PRXL2B: variants seen among roughly 807,000 people sequenced by gnomAD.
PRXL2B encodes the protein peroxiredoxin like 2B, also known as prostamide/prostaglandin F synthase.
Under a neutral mutation model 24.4 loss-of-function variants are expected in PRXL2B, and 26 were observed. The ratio of observed to expected loss-of-function variants is 1.07; its 90% confidence interval spans 0.78 to 1.48. The LOEUF is 1.48. Ranked by LOEUF, PRXL2B falls within the 40% of genes most tolerant of loss-of-function variation. The pLI is 0.00. For missense variants in PRXL2B, 269 were observed against 264.8 expected (o/e 1.02, Z -0.11); for synonymous variants, 115 against 118.9 (o/e 0.97, Z 0.21).
chr1:2,586,920 G>A lies in PRXL2B; in HGVS notation c.35G>A (p.Cys12Tyr), dbSNP rs866041846. The A allele has an allele frequency of 7.6e-7, 1 of 1,311,854 alleles. No individual in the cohort carries two copies. Among genetic ancestry groups the A allele is most frequent in the Non-Finnish European group, 9.7e-7 (1 of 1,032,534 alleles). 81.3% of individuals were successfully genotyped at this position (1,311,854 alleles called of 1,614,324 possible). A position where few individuals can be genotyped will look rare whatever the true frequency, so the allele number is the denominator to read the frequency against. Residue 12 changes from cysteine (C) to tyrosine (Y), a missense_variant, in exon 1 of 7, where the codon TGC becomes TAC. Transcript: ENST00000419916. ...GTGGACCTTGCTCGCGTGGGCGCGT[G>A]CATCCTGAAGCATGCGGTGACCGGG... is the stretch of plus-strand genomic sequence containing the variant. ...STVDLARVGA[C>Y]ILKHAVTGEA...
chr1:2,587,179 C>T lies in PRXL2B; in HGVS notation c.152C>T (p.Ala51Val), dbSNP rs377736173. The change falls in exon 2 of 7, where the codon GCC becomes GTC. Residue 51 changes from alanine (A) to valine (V), a missense_variant. Coordinates refer to ENST00000419916, the MANE Select transcript of PRXL2B (RefSeq NM_152371.5). The surrounding 1 kb of genome is among the most constrained non-coding windows in gnomAD (Gnocchi z 6.1). ...RFGCVVCRWIAQDLSSLAGLL... is the reference protein window; with the variant it reads ...RFGCVVCRWIVQDLSSLAGLL... The stretch of plus-strand genomic sequence containing the variant: ...GGGTGCGTGGTGTGCCGCTGGATCG[C>T]CCAGGACCTCAGCAGCCTTGCTGGG... The T allele has an allele frequency of 7.1e-6, 11 of 1,560,062 alleles. No homozygotes were observed. The African/African-American group carries it at 1.4e-4, about 19-fold the overall frequency.
At position 2,590,686 on chromosome 1, in the gene PRXL2B, G is replaced by C. The variant is rs1366652479; in HGVS notation, c.*1259G>C. On this transcript the variant is annotated 3_prime_UTR_variant, in exon 7 of 7. Coordinates refer to ENST00000419916, the MANE Select transcript of PRXL2B (RefSeq NM_152371.5). ...CTCAAGTCTGAAGCTGTAGATACTG[G>C]AAGACAATGCACCTTGGAGGGTGGG... 2.8e-6 allele frequency: 1 copy of C among 354,204 alleles called. No homozygotes were observed. Among genetic ancestry groups the C allele is most frequent in the Non-Finnish European group, 5.1e-6 (1 of 197,500 alleles). 21.9% of individuals were successfully genotyped at this position (354,204 alleles called of 1,614,324 possible).
chr1:2,588,626 G>A lies in PRXL2B; in HGVS notation c.460+1G>A, dbSNP rs1159750972. 6.2e-7 allele frequency: 1 copy of A among 1,613,740 alleles called. No individual in the cohort carries two copies. The highest frequency in any genetic ancestry group is 1.3e-5 in the African/African-American group (1 of 75,052). On this transcript the variant is annotated splice_donor_variant, in intron 5 of 6. Transcript: ENST00000419916. LOFTEE classifies it high-confidence loss of function. Reference sequence around the variant, plus strand: ...GGAGGGCTGCTGGTGGTCAGCAAAGGTGGGTCGAGGGAGGGGCCTCGGCCA... The same window carrying A: ...GGAGGGCTGCTGGTGGTCAGCAAAGATGGGTCGAGGGAGGGGCCTCGGCCA...
rs1644563661 is a variant in PRXL2B, at chr1:2,587,790, G to A, written c.318G>A (p.Lys106=). The change falls in exon 3 of 7, where the codon AAG becomes AAA. Residue 106 remains lysine (K), a splice_region_variant and synonymous_variant. Coordinates refer to ENST00000419916, the MANE Select transcript of PRXL2B (RefSeq NM_152371.5). The surrounding 1 kb of genome is among the most constrained non-coding windows in gnomAD (Gnocchi z 6.1). ...AGCTTTACAAGGAGCTAGGCTTCAA[G>A]CGGTGAGTGGGGGCGGGAACCCTTG... The part of the protein sequence containing the change: ...SKQLYKELGF[K]RYNSLSILPA... The A allele has an allele frequency of 2.5e-6, 4 of 1,601,648 alleles. No homozygotes were observed. Among genetic ancestry groups the A allele is most frequent in the Non-Finnish European group, 3.4e-6 (4 of 1,174,596 alleles).
rs1159867442 is a variant in PRXL2B at position 2,586,916 on chromosome 1, G to A, written c.31G>A (p.Ala11Thr). 15 of 1,312,080 alleles carry A rather than the reference G, an allele frequency of 1.1e-5. No homozygotes were observed. Among genetic ancestry groups the A allele is most frequent in the East Asian group, 3.0e-5 (1 of 33,768 alleles). The allele number at this position is 1,312,080 out of a possible 1,614,324, so 81.3% of individuals were successfully genotyped here. MSTVDLARVG[A>T]CILKHAVTGE... Reference sequence around the variant, plus strand: ...CACGGTGGACCTTGCTCGCGTGGGCGCGTGCATCCTGAAGCATGCGGTGAC... The same window carrying A: ...CACGGTGGACCTTGCTCGCGTGGGCACGTGCATCCTGAAGCATGCGGTGAC... Residue 11 changes from alanine to threonine, a missense_variant, in exon 1 of 7, where the codon GCG becomes ACG. By Grantham distance (58) the Ala-to-Thr change is moderately conservative. Coordinates refer to ENST00000419916, the MANE Select transcript of PRXL2B (RefSeq NM_152371.5).
chr1:2,586,598 G>T, upstream of PRXL2B: 2 of 583,560 alleles, frequency 3.4e-6, no homozygotes, highest in Non-Finnish European at 2.5e-6. Flanking sequence ...TGGAGTAGGA[G>T]GGGAAACAAG....
Position 2,588,596 on chromosome 1 carries a change from A to G in PRXL2B, c.431A>G (p.Gln144Arg). 6.2e-7 allele frequency: 1 copy of G among 1,614,110 alleles called. No homozygotes were observed. Among genetic ancestry groups the G allele is most frequent in the Non-Finnish European group, 8.5e-7 (1 of 1,180,002 alleles). ...GGGAACTTGTCTGGGGACCTGCTGCAGAGCGGAGGGCTGCTGGTGGTCAGC... is the reference window on the plus strand; with the variant it reads ...GGGAACTTGTCTGGGGACCTGCTGCGGAGCGGAGGGCTGCTGGTGGTCAGC... ...IQGNLSGDLLQSGGLLVVSKG... is the reference protein window; with the variant it reads ...IQGNLSGDLLRSGGLLVVSKG... Residue 144 changes from glutamine (Q) to arginine (R), a missense_variant, in exon 5 of 7, where the codon CAG becomes CGG. Physicochemically the swap from Gln to Arg is conservative, Grantham distance 43. Transcript: ENST00000419916.
At chr1:2,586,722 G>T (rs995118141), upstream of PRXL2B, 1 of 1,238,656 alleles carries the variant, frequency 8.1e-7, no homozygotes, top group Non-Finnish European at 1.0e-6. Flanking sequence ...AGACGAGCCC[G>T]AAGGGGCGGG....
At position 2,587,232 on chromosome 1, in the gene PRXL2B, G is replaced by A. The variant is rs899128712; in HGVS notation, c.205G>A (p.Val69Met). 1 of 1,575,710 alleles carries A rather than the reference G, an allele frequency of 6.3e-7. No individual in the cohort carries two copies. Among genetic ancestry groups the A allele is most frequent in the Non-Finnish European group, 8.6e-7 (1 of 1,167,170 alleles). Residue 69 changes from valine to methionine, a missense_variant, in exon 2 of 7, where the codon GTG (valine) becomes ATG (methionine). Coordinates refer to ENST00000419916, the MANE Select transcript of PRXL2B (RefSeq NM_152371.5). This position sits in a 1 kb window ranked among gnomAD's most constrained non-coding sequence, Gnocchi z 6.1. ...GLLDQHGVRLVGVGPEALGLQ... is the reference protein window; with the variant it reads ...GLLDQHGVRLMGVGPEALGLQ... ...CCTGGACCAACACGGCGTGCGCCTGGTGGGCGTAGGGCCCGAGGCCCTGGG... is the reference window on the plus strand; with the variant it reads ...CCTGGACCAACACGGCGTGCGCCTGATGGGCGTAGGGCCCGAGGCCCTGGG...
chr1:2,588,260 C>A, intron 3 of PRXL2B, 130 bp from the exon 4 acceptor site: 2 of 1,185,146 alleles, frequency 1.7e-6, no homozygotes, highest in Non-Finnish European at 2.4e-6. Flanking sequence ...TCGCCTGTGC[C>A]ATCTCTGAGC....
In PRXL2B at chr1:2,588,352, T is replaced by G; in HGVS notation, c.321-38T>G. 1.9e-6 allele frequency: 3 copies of G among 1,613,924 alleles called. No homozygotes were observed. The South Asian group carries it at 3.3e-5, about 18-fold the overall frequency. On this transcript the variant is annotated intron_variant, in intron 3 of 6. Transcript: ENST00000419916. ...CTGGAGCAGGCTCTGGACCCAGGCTTCTCCGGAGTTTGGCCAAGCGACCTG... is the reference window on the plus strand; with the variant it reads ...CTGGAGCAGGCTCTGGACCCAGGCTGCTCCGGAGTTTGGCCAAGCGACCTG...
At chr1:2,586,610 C>A, upstream of PRXL2B, 4 of 655,874 alleles carry the variant, frequency 6.1e-6, no homozygotes, top group East Asian at 3.5e-5. Context: ...GGAAACAAGG[C>A]GGGACTAGGG....
rs754347001 is a variant in PRXL2B, at chr1:2,591,077, C to T, written c.*1650C>T. The T allele has an allele frequency of 2.1e-5, 34 of 1,600,146 alleles. No homozygotes were observed. The highest frequency in any genetic ancestry group is 7.9e-5 in the South Asian group (7 of 88,456). On this transcript the variant is annotated 3_prime_UTR_variant, in exon 7 of 7. Coordinates refer to ENST00000419916, the MANE Select transcript of PRXL2B (RefSeq NM_152371.5). ...CTGCGAAGGCGGCCAGGTTCTGCAG[C>T]GACCCCAGTACCCTGTGGGTGGGTG... is the stretch of plus-strand genomic sequence containing the variant.
rs1370597005 is a variant in PRXL2B at position 2,587,011 on chromosome 1, A to G, written c.63+63A>G. ...TGGCTCCTTGCCCGGGCGTCCTGGC[A>G]GCGATGGGGTGGTGGGGGCCGCGGG... On this transcript the variant is annotated intron_variant, in intron 1 of 6. Coordinates refer to ENST00000419916, the MANE Select transcript of PRXL2B (RefSeq NM_152371.5). The surrounding 1 kb of genome is among the most constrained non-coding windows in gnomAD (Gnocchi z 6.1). The G allele has an allele frequency of 9.2e-6, 10 of 1,091,970 alleles. No individual in the cohort carries two copies. Among genetic ancestry groups the G allele is most frequent in the Admixed American group, 6.6e-5 (1 of 15,244 alleles). The allele number at this position is 1,091,970 out of a possible 1,614,324, so 67.6% of individuals were successfully genotyped here.
At chr1:2,588,776 G>A (rs1012831611) in intron 5 of PRXL2B, 146 bp from the exon 6 acceptor site, 9 of 1,188,658 alleles carry the variant, frequency 7.6e-6, no homozygotes, top group Non-Finnish European at 1.1e-5. Flanking sequence ...GGGCTGAGTG[G>A]GGCTGTGGCA....
rs1225626744 is a variant in PRXL2B at position 2,586,879 on chromosome 1, G to A, written c.-7G>A. 19 of 1,294,472 alleles carry A rather than the reference G, an allele frequency of 1.5e-5. No homozygotes were observed. Among genetic ancestry groups the A allele is most frequent in the Non-Finnish European group, 1.9e-5 (19 of 1,021,958 alleles). 80.2% of individuals were successfully genotyped at this position (1,294,472 alleles called of 1,614,324 possible). On this transcript the variant is annotated 5_prime_UTR_variant, in exon 1 of 7. Transcript: ENST00000419916. ...GGAGCCGGGAACCAGGGCTGGCAGC[G>A]GCCGCCATGAGCACGGTGGACCTTG...
rs1644700601 is a variant in PRXL2B, at chr1:2,591,380, C to T, written c.*1953C>T. 1.6e-6 allele frequency: 1 copy of T among 626,318 alleles called. No homozygotes were observed. The highest frequency in any genetic ancestry group is 2.8e-6 in the Non-Finnish European group (1 of 353,428). The allele number at this position is 626,318 out of a possible 1,614,324, so 38.8% of individuals were successfully genotyped here. A position where few individuals can be genotyped will look rare whatever the true frequency, so the allele number is the denominator to read the frequency against. On this transcript the variant is annotated 3_prime_UTR_variant, in exon 7 of 7. Transcript: ENST00000419916. ...CCCCCTTCCTAAACCCTTAAATGCC[C>T]TTAGTCTGTAAGAGAATGTCCCTGA...
rs189022428 is a variant in PRXL2B, at chr1:2,589,610, C to T, written c.*183C>T. ...TGACCACGCACTGCTTCGCAGGCTC[C>T]GAGCCCTGCATCCTCCACAGCCCCC... On this transcript the variant is annotated 3_prime_UTR_variant, in exon 7 of 7. Coordinates refer to ENST00000419916, the MANE Select transcript of PRXL2B (RefSeq NM_152371.5). 56 of 794,116 alleles carry T rather than the reference C, an allele frequency of 7.1e-5. No individual in the cohort carries two copies. The East Asian group carries it at 8.6e-4, about 12-fold the overall frequency. 49.2% of individuals were successfully genotyped at this position (794,116 alleles called of 1,614,324 possible).
At position 2,588,392 on chromosome 1, in the gene PRXL2B, A is replaced by C. The variant is rs370507648; in HGVS notation, c.323A>C (p.Tyr108Ser). 3 of 1,614,002 alleles carry C rather than the reference A, an allele frequency of 1.9e-6. No homozygotes were observed. The highest frequency in any genetic ancestry group is 1.1e-5 in the South Asian group (1 of 91,080). ...CAAGCGACCTGGTGTCTTCGCAGGT[A>C]CAACAGCCTGAGCATCCTCCCAGCA... ...QLYKELGFKRYNSLSILPAAL... is the reference protein window; with the variant it reads ...QLYKELGFKRSNSLSILPAAL... Residue 108 changes from tyrosine (Y) to serine (S), a missense_variant and splice_region_variant, in exon 4 of 7, where the codon TAC becomes TCC. By Grantham distance (144) the Tyr-to-Ser change is moderately radical (BLOSUM62 -2). Transcript: ENST00000419916.
Sources: gnomAD v4.1 joint callset for allele counts on GRCh38, gnomAD v4.1.1 for gene constraint, Gnocchi (gnomAD v3.1) non-coding constraint, MANE v1.5 for transcripts, NCBI Gene and HGNC (gene_info 2026-07-23, HGNC 2026-07-21) for gene names.